The following STK39 variants were observed in gnomAD, a reference collection of about 807,000 sequenced individuals.
STK39 encodes serine/threonine kinase 39, also known as STE20/SPS1-related proline-alanine-rich protein kinase.
STK39 carries 20 observed loss-of-function variants against 77.8 expected under a neutral mutation model. The ratio of observed to expected loss-of-function variants is 0.26; its 90% CI spans 0.18 to 0.37. The LOEUF is 0.37. STK39 is among the 10% of genes least tolerant of loss of function. The pLI, the probability that STK39 is intolerant of heterozygous loss-of-function variation, is 1.00. For synonymous variants in STK39, 246 were observed against 234.1 expected (o/e 1.05, Z -0.47); for missense variants, 479 against 656.5 (o/e 0.73, Z 2.95).
intron 1 of STK39, among the ~76,000 whole-genome samples, chr2:168,184,349 T>C (rs1318450657): frequency 6.6e-6 from 1 of 152,228 alleles, no homozygotes; most frequent in East Asian, 1.9e-4. Context: ...CTACTTCTCA[T>C]CTCTAGACAG....
At chr2:168,217,116 G>A (rs925234250) in intron 1 of STK39, among the ~76,000 whole-genome samples, 23 of 152,160 alleles carry the variant, frequency 1.5e-4, no homozygotes, top group Non-Finnish European at 3.1e-4. Context: ...CAGTGATTAC[G>A]TGTTTCTCTG....
intron 13 of STK39, 132 bp downstream of exon 13, chr2:168,065,187 T>C (rs1685762124): frequency 2.3e-6 from 2 of 884,704 alleles, no homozygotes; most frequent in Non-Finnish European, 3.6e-6. Flanking sequence ...TAGCAACCTA[T>C]TTAAAAAGAC....
chr2:168,247,174 C>T, intron 1 of STK39, 54 bp downstream of exon 1: 2 of 1,128,562 alleles, frequency 1.8e-6, no homozygotes, highest in Non-Finnish European at 2.2e-6. Flanking sequence ...CGCCCCCTCC[C>T]GCCCGGCCTC....
intron 1 of STK39, among the ~76,000 whole-genome samples, chr2:168,232,679 G>A (rs1303365673): frequency 3.9e-5 from 6 of 152,100 alleles, no homozygotes; most frequent in South Asian, 2.1e-4. Flanking sequence ...TTGGGAAGCC[G>A]AGGCAGGCAA....
chr2:168,023,834 G>C (rs1489707951), intron 14 of STK39, among the ~76,000 whole-genome samples: 1 of 152,182 alleles, frequency 6.6e-6, no homozygotes, highest in Non-Finnish European at 1.5e-5. Flanking sequence ...ACACCACCAA[G>C]GGTCTCTGTA....
intron 8 of STK39, among the ~76,000 whole-genome samples, chr2:168,133,072 G>T: frequency 6.6e-6 from 1 of 152,128 alleles, no homozygotes; most frequent in East Asian, 1.9e-4. Context: ...ACGTAAGGAG[G>T]CAAAGTGCCT....
intron 1 of STK39, among the ~76,000 whole-genome samples, chr2:168,228,344 A>C (rs1180752250): frequency 1.3e-5 from 2 of 151,906 alleles, no homozygotes; most frequent in African/African-American, 4.8e-5. Flanking sequence ...TTTTTTTTTT[A>C]AAGTTCTATG....
chr2:168,214,900 T>C (rs547816665), intron 1 of STK39, among the ~76,000 whole-genome samples: 56 of 152,304 alleles, frequency 3.7e-4, no homozygotes, highest in African/African-American at 1.2e-3. Context: ...CTGCCCCTTT[T>C]TGGTAGCAAC....
chr2:168,170,253 T>C (rs544697905), intron 2 of STK39, among the ~76,000 whole-genome samples: 2 of 152,352 alleles, frequency 1.3e-5, no homozygotes, highest in South Asian at 4.1e-4. Flanking sequence ...TTATCTAAGC[T>C]TCTCCTAATG....
At chr2:168,118,274 G>A (rs542623667) in intron 10 of STK39, among the ~76,000 whole-genome samples, 20 of 152,224 alleles carry the variant, frequency 1.3e-4, no homozygotes, top group Admixed American at 8.5e-4. Flanking sequence ...AGGCAAAAAG[G>A]AAGCACATAA....
At chr2:168,216,118 C>T (rs1690019043) in intron 1 of STK39, among the ~76,000 whole-genome samples, 1 of 142,980 alleles carries the variant, frequency 7.0e-6, no homozygotes, top group Non-Finnish European at 1.6e-5. Context: ...AGACAGGAAA[C>T]AGAGTTCAGA....
At chr2:168,151,281 T>A (rs139716550) in intron 5 of STK39, among the ~76,000 whole-genome samples, 119 of 151,826 alleles carry the variant, frequency 7.8e-4, no homozygotes, top group African/African-American at 2.1e-3. Flanking sequence ...AAAGGTAGAG[T>A]TTCATCTTTT....
intron 10 of STK39, among the ~76,000 whole-genome samples, chr2:168,125,669 C>T (rs1291581913): frequency 1.3e-5 from 2 of 152,130 alleles, no homozygotes; most frequent in East Asian, 3.8e-4. Flanking sequence ...AAATATTCTG[C>T]CTGTAGGAAG....
Position 168,163,825 on chromosome 2 carries a change from T to G in STK39, c.486A>C (p.Gly162=). The G allele has an allele frequency of 6.2e-7, 1 of 1,614,006 alleles. No homozygotes were observed. The highest frequency in any genetic ancestry group is 8.5e-7 in the Non-Finnish European group (1 of 1,179,950). ...YIVNRGEHKN[G]VLEEAIIATI... ...TTGCTATTATTGCCTCTTCCAGAAC[T>G]CCATTCTTGTGTTCTCCTCGGTTGA... is the stretch of plus-strand genomic sequence containing the variant. The change falls in exon 4 of 18, where the codon GGA becomes GGC. Residue 162 remains glycine (G), a synonymous_variant. Coordinates refer to ENST00000355999, the MANE Select transcript of STK39 (RefSeq NM_013233.3).
chr2:168,155,637 T>C (rs1186841835), intron 5 of STK39, among the ~76,000 whole-genome samples: 1 of 152,006 alleles, frequency 6.6e-6, no homozygotes. Flanking sequence ...TCTTCATTCA[T>C]GTTCTCTGCT....
chr2:168,014,825 A>G (rs370447763), intron 15 of STK39, among the ~76,000 whole-genome samples: 3 of 152,248 alleles, frequency 2.0e-5, no homozygotes, highest in African/African-American at 7.2e-5. Context: ...GTAAGGAGCT[A>G]TAATCACAGA....
chr2:168,030,628 C>A (rs902803874), intron 14 of STK39, among the ~76,000 whole-genome samples: 2 of 152,042 alleles, frequency 1.3e-5, no homozygotes, highest in African/African-American at 2.4e-5. Flanking sequence ...AAGCAGAATC[C>A]CCCTGACTTT....
At chr2:168,222,421 G>A (rs932734375) in intron 1 of STK39, among the ~76,000 whole-genome samples, 2 of 152,190 alleles carry the variant, frequency 1.3e-5, no homozygotes, top group Non-Finnish European at 2.9e-5. Context: ...GAGAGGAGTA[G>A]TAAGAGGGTA....
intron 10 of STK39, among the ~76,000 whole-genome samples, chr2:168,094,326 A>G (rs1461114510): frequency 6.6e-6 from 1 of 152,184 alleles, no homozygotes; most frequent in Non-Finnish European, 1.5e-5. Flanking sequence ...GCACCAAATG[A>G]AAAGTTGTCT....
Sources: allele counts gnomAD v4.1 joint callset (sites outside exome capture counted in the v4.1 genomes callset), GRCh38; gene constraint gnomAD v4.1.1; transcripts MANE v1.5; gene names NCBI Gene and HGNC (gene_info 2026-07-23, HGNC 2026-07-21).